Variants in RAD52 observed in about 807,000 individuals in gnomAD.
RAD52 encodes the protein RAD52 DNA repair protein, also known as DNA repair protein RAD52 homolog.
Under a neutral mutation model 55.5 loss-of-function variants are expected in RAD52, and 47 were observed. The ratio of observed to expected loss-of-function variants is 0.85; its 90% CI spans 0.67 to 1.08. The LOEUF is 1.08. Ranked by LOEUF, RAD52 falls within the 50% of genes least tolerant of loss-of-function variation. The pLI is 0.00. For missense variants in RAD52, 468 were observed against 522.8 expected, an observed-to-expected ratio of 0.90 and a Z score of 1.02; for synonymous variants, 184 against 198.9, an observed-to-expected ratio of 0.92 and a Z score of 0.63.
At chr12:985,907 T>C (rs961827721) in intron 1 of RAD52, among the ~76,000 whole-genome samples, 3 of 151,778 alleles carry the variant, frequency 2.0e-5, no homozygotes, top group Non-Finnish European at 4.4e-5. Flanking sequence ...CCCAAAGTGC[T>C]GGATTATAGG....
chr12:938,645 T>C (rs1212327842), intron 1 of RAD52, among the ~76,000 whole-genome samples: 4 of 152,186 alleles, frequency 2.6e-5, no homozygotes, highest in African/African-American at 9.6e-5. Context: ...ATCATGCCAC[T>C]GCACTCCAGT....
rs576688768 is a variant in RAD52, at chr12:938,454, G to A, written c.-18-5378C>T. On this transcript the variant is annotated intron_variant, in intron 1 of 11. Coordinates refer to ENST00000358495, the MANE Select transcript of RAD52 (RefSeq NM_134424.4). Reference sequence around the variant, plus strand: ...TCCCAGCACTTTGGGAGGCCAAGGCGGGTGGATCATCTGAGCTCAGGAGTT... The same window carrying A: ...TCCCAGCACTTTGGGAGGCCAAGGCAGGTGGATCATCTGAGCTCAGGAGTT... 6.6e-5 allele frequency among the ~76,000 whole-genome samples: 10 copies of A among 152,322 alleles called. No individual in the cohort carries two copies. The South Asian group carries it at 1.4e-3, about 22-fold the overall frequency.
At position 916,402 on chromosome 12, in the gene RAD52, C is replaced by T. The variant is rs2154108552; in HGVS notation, c.807G>A (p.Arg269=). ...GAACCTGCTGCTTCTCCATCCGCTC[C>T]CGGAACTGCTGCTGCAGCTGCTTCT... ...LRQKQLQQQF[R]ERMEKQQVRV... The change falls in exon 9 of 12, where the codon CGG becomes CGA. Residue 269 remains arginine, a synonymous_variant. Coordinates refer to ENST00000358495, the MANE Select transcript of RAD52 (RefSeq NM_134424.4). The T allele has an allele frequency of 6.2e-7, 1 of 1,609,122 alleles. No individual in the cohort carries two copies. Among genetic ancestry groups the T allele is most frequent in the South Asian group, 1.1e-5 (1 of 90,878 alleles).
At chr12:940,170 C>T (rs1957847906) in intron 1 of RAD52, among the ~76,000 whole-genome samples, 1 of 151,858 alleles carries the variant, frequency 6.6e-6, no homozygotes, top group Non-Finnish European at 1.5e-5. Context: ...TATGAAAACA[C>T]CAACAAAGAA....
At chr12:932,393 G>A (rs944019483) in intron 2 of RAD52, among the ~76,000 whole-genome samples, 4 of 152,128 alleles carry the variant, frequency 2.6e-5, no homozygotes, top group Admixed American at 6.6e-5. Flanking sequence ...TACTTGGGAG[G>A]CTGAGGCAGG....
At chr12:926,296 C>A (rs1957030912) in intron 6 of RAD52, among the ~76,000 whole-genome samples, 1 of 150,936 alleles carries the variant, frequency 6.6e-6, no homozygotes, top group Non-Finnish European at 1.5e-5. Context: ...GAGTTTGAGA[C>A]CAGCCTAGGC....
chr12:941,760 C>T (rs1420453355), intron 1 of RAD52, among the ~76,000 whole-genome samples: 1 of 152,104 alleles, frequency 6.6e-6, no homozygotes, highest in African/African-American at 2.4e-5. Context: ...CCTCAGCCTC[C>T]CAAGTAGCTG....
chr12:931,369 A>C, intron 2 of RAD52, 48 bp from the exon 3 acceptor site: 1 of 1,378,326 alleles, frequency 7.3e-7, no homozygotes, highest in Non-Finnish European at 1.0e-6. Flanking sequence ...ACCATTCCTC[A>C]CATCATTGAG....
At chr12:979,451 A>G (rs370754872) in intron 1 of RAD52, among the ~76,000 whole-genome samples, 238 of 152,166 alleles carry the variant, frequency 1.6e-3, no homozygotes, top group African/African-American at 5.3e-3. Context: ...GAAAAGAAAA[A>G]AAAAAGGTTA....
At chr12:947,942 C>T (rs1958345310) in intron 1 of RAD52, among the ~76,000 whole-genome samples, 1 of 132,768 alleles carries the variant, frequency 7.5e-6, no homozygotes, top group Non-Finnish European at 1.5e-5. Flanking sequence ...GACCTGAGGC[C>T]ACTGAATTAC....
At chr12:923,920 G>A (rs1430999914) in intron 7 of RAD52, among the ~76,000 whole-genome samples, 2 of 151,720 alleles carry the variant, frequency 1.3e-5, no homozygotes, top group African/African-American at 4.8e-5. Flanking sequence ...GCTGGGCATG[G>A]TGGTGGCTGG....
intron 1 of RAD52, among the ~76,000 whole-genome samples, chr12:984,966 C>G (rs1449720617): frequency 2.0e-5 from 3 of 151,496 alleles, no homozygotes; most frequent in Non-Finnish European, 4.4e-5. Flanking sequence ...CGCCTGTCCA[C>G]ACCAGGCTAA....
At chr12:931,500 T>C (rs1287059495) in intron 2 of RAD52, among the ~76,000 whole-genome samples, 179 bp from the exon 3 acceptor site, 1 of 152,216 alleles carries the variant, frequency 6.6e-6, no homozygotes, top group Non-Finnish European at 1.5e-5. Flanking sequence ...TGCATGCCAT[T>C]AGGCATCATA....
intron 1 of RAD52, among the ~76,000 whole-genome samples, chr12:985,030 C>T (rs1334820222): frequency 2.0e-5 from 3 of 152,082 alleles, no homozygotes; most frequent in South Asian, 2.1e-4. Context: ...AGGATGGTCT[C>T]GATCTCCTGA....
chr12:930,218 A>G, intron 3 of RAD52, 74 bp from the exon 4 acceptor site: 1 of 1,195,814 alleles, frequency 8.4e-7, no homozygotes. Context: ...CAAAATTGAC[A>G]TAATTTATTC....
intron 5 of RAD52, among the ~76,000 whole-genome samples, chr12:929,477 T>C (rs1365705562): frequency 6.6e-6 from 1 of 152,194 alleles, no homozygotes; most frequent in Non-Finnish European, 1.5e-5. Context: ...AGGACCTGCT[T>C]TGCCTAAAGT....
chr12:966,138 A>G (rs1468680715), intron 1 of RAD52, among the ~76,000 whole-genome samples: 1 of 151,634 alleles, frequency 6.6e-6, no homozygotes, highest in Non-Finnish European at 1.5e-5. Context: ...TAATTTTTAA[A>G]AATTTTTTAG....
chr12:918,173 C>T (rs889899509), intron 7 of RAD52, among the ~76,000 whole-genome samples: 9 of 152,102 alleles, frequency 5.9e-5, no homozygotes, highest in African/African-American at 1.9e-4. Flanking sequence ...CATCTCTAAT[C>T]GAAACAGCCA....
intron 1 of RAD52, among the ~76,000 whole-genome samples, chr12:944,318 C>G (rs1388092423): frequency 3.3e-5 from 5 of 151,954 alleles, no homozygotes; most frequent in African/African-American, 1.2e-4. Flanking sequence ...CTCAGGAGTT[C>G]AAGACAAGCC....
Sources: allele counts gnomAD v4.1 joint callset (sites outside exome capture counted in the v4.1 genomes callset), GRCh38; gene constraint gnomAD v4.1.1; transcripts MANE v1.5; gene names NCBI Gene and HGNC (gene_info 2026-07-23, HGNC 2026-07-21).